ELMO2: variants seen among roughly 807,000 people sequenced by gnomAD.
ELMO2 encodes engulfment and cell motility protein 2.
In ELMO2, 37 loss-of-function variants were observed where a neutral mutation model predicts 96.2. The observed-to-expected ratio is 0.38, with a 90% CI of 0.30 to 0.51. The LOEUF (loss-of-function observed/expected upper bound fraction) is 0.51. Ranked by LOEUF, ELMO2 falls within the 20% of genes least tolerant of loss-of-function variation. The probability of loss-of-function intolerance (pLI) is 0.88; values close to 1 mark genes in which losing one functional copy is unlikely to be tolerated. For synonymous variants in ELMO2, 315 were observed against 329.4 expected (o/e 0.96, Z 0.47); for missense variants, 561 against 912.6 (o/e 0.61, Z 4.96).
intron 9 of ELMO2, among the ~76,000 whole-genome samples, chr20:46,385,796 A>G (rs1312863925): frequency 6.6e-6 from 1 of 152,236 alleles, no homozygotes; most frequent in East Asian, 1.9e-4. Context: ...AGTATTTTAT[A>G]TAATTATCAT....
Position 46,375,840 on chromosome 20 carries a change from T to A in ELMO2, c.808-50A>T. The A allele has an allele frequency of 6.2e-7, 1 of 1,609,670 alleles. No homozygotes were observed. The highest frequency in any genetic ancestry group is 8.5e-7 in the Non-Finnish European group (1 of 1,177,154). ...AGGGGACTGAACTGATCTCTTTTAA[T>A]GAAGGGCCACATCCATGCTAAGGAA... is the stretch of plus-strand genomic sequence containing the variant. On this transcript the variant is annotated intron_variant, in intron 11 of 21. Transcript: ENST00000290246. This position sits in a 1 kb window ranked among gnomAD's most constrained non-coding sequence, Gnocchi z 4.6.
chr20:46,385,318 A>G (rs1361442360), intron 9 of ELMO2, among the ~76,000 whole-genome samples: 2 of 152,234 alleles, frequency 1.3e-5, no homozygotes, highest in African/African-American at 4.8e-5. Context: ...CATTGCTCCA[A>G]TGGGTTCATT....
At chr20:46,372,664 G>A (rs1038694394) in intron 16 of ELMO2, among the ~76,000 whole-genome samples, 2 of 152,092 alleles carry the variant, frequency 1.3e-5, no homozygotes, top group Admixed American at 6.5e-5. Context: ...AAAGGCAAGC[G>A]CAGTTCTGGC....
chr20:46,380,039 G>A (rs567218850), intron 11 of ELMO2: 2 of 461,868 alleles, frequency 4.3e-6, no homozygotes, highest in East Asian at 3.5e-5. Context: ...CTCCCTGGAC[G>A]CACTGCAATT....
In ELMO2 at chr20:46,380,448, G is replaced by A. The variant is rs113998028; in HGVS notation, c.757-145C>T. The A allele has an allele frequency of 2.9e-3, 1,948 of 673,086 alleles. 26 individuals carry two copies. The African/African-American group carries it at 0.03, about 10-fold the overall frequency. 41.7% of individuals were successfully genotyped at this position (673,086 alleles called of 1,614,324 possible). A position where few individuals can be genotyped will look rare whatever the true frequency, so the allele number is the denominator to read the frequency against. Reference sequence around the variant, plus strand: ...CCAAATGAAAAGTGGGTGAATGAACGAAAATCCACTGACCATCAGATGTAT... The same window carrying A: ...CCAAATGAAAAGTGGGTGAATGAACAAAAATCCACTGACCATCAGATGTAT... On this transcript the variant is annotated intron_variant, in intron 10 of 21. Coordinates refer to ENST00000290246, the MANE Select transcript of ELMO2 (RefSeq NM_133171.5).
chr20:46,367,558 G>A lies in ELMO2; in HGVS notation c.1965C>T (p.Tyr655=), dbSNP rs767870860. 1.3e-6 allele frequency: 2 copies of A among 1,599,722 alleles called. No homozygotes were observed. Among genetic ancestry groups the A allele is most frequent in the Non-Finnish European group, 1.7e-6 (2 of 1,174,510 alleles). Residue 655 remains tyrosine (Y), a splice_region_variant and synonymous_variant, in exon 22 of 22, where the codon TAC becomes TAT. Coordinates refer to ENST00000290246, the MANE Select transcript of ELMO2 (RefSeq NM_133171.5). ...LNFIAPNKYE[Y]CIWIDGLSAL... ...CACTGAGGCCATCAATCCAGATGCA[G>A]TACTGTGGGGAGCAAGTTGCAAAAT...
chr20:46,372,033 G>A, intron 16 of ELMO2, 64 bp from the exon 17 acceptor site: 1 of 1,597,776 alleles, frequency 6.3e-7, no homozygotes, highest in Non-Finnish European at 8.5e-7. Context: ...GGCCTATTAT[G>A]GAGCACCAAG....
chr20:46,401,178 C>T (rs990184590), intron 1 of ELMO2, among the ~76,000 whole-genome samples: 3 of 152,204 alleles, frequency 2.0e-5, no homozygotes, highest in Non-Finnish European at 4.4e-5. Flanking sequence ...AACACAATCT[C>T]TATAAAGGCT....
intron 10 of ELMO2, among the ~76,000 whole-genome samples, chr20:46,380,726 A>T (rs974890255): frequency 2.0e-5 from 3 of 152,158 alleles, no homozygotes; most frequent in Admixed American, 2.0e-4. Context: ...ACTCCAAACA[A>T]GGAAGGGCTT....
At chr20:46,369,997 TG>T (rs1206408319) in intron 20 of ELMO2, 1 of 341,592 alleles carries the variant, frequency 2.9e-6, no homozygotes, top group African/African-American at 2.2e-5. Context: ...TGTGTGTGTG[TG>T]TGTGTGTATC....
chr20:46,392,892 C>T (rs1301831451), intron 6 of ELMO2, among the ~76,000 whole-genome samples: 2 of 152,216 alleles, frequency 1.3e-5, no homozygotes, highest in South Asian at 2.1e-4. Flanking sequence ...ACCCTTGAGA[C>T]AGGCCTTCTA....
intron 16 of ELMO2, 88 bp from the exon 17 acceptor site, chr20:46,372,057 C>G (rs1600823212): frequency 6.4e-7 from 1 of 1,560,460 alleles, no homozygotes; most frequent in South Asian, 1.2e-5. Context: ...CTTTCCTGCC[C>G]CAGGGTCTTG....
At chr20:46,368,235 T>TCCCACCTC (rs939629415) in intron 21 of ELMO2, among the ~76,000 whole-genome samples, 50 of 152,080 alleles carry the variant, frequency 3.3e-4, no homozygotes, top group Non-Finnish European at 6.3e-4. Flanking sequence ...CTGCCAGAAG[T>TCCCACCTC]CCCACCTCTA....
At chr20:46,380,342 G>C (rs773689689) in intron 10 of ELMO2, 39 bp from the exon 11 acceptor site, 1 of 1,553,708 alleles carries the variant, frequency 6.4e-7, no homozygotes, top group South Asian at 1.1e-5. Flanking sequence ...CAGGGTGGCA[G>C]GCACACACCT....
chr20:46,376,567 G>C, intron 11 of ELMO2: 2 of 1,237,498 alleles, frequency 1.6e-6, no homozygotes, highest in South Asian at 2.6e-5. Flanking sequence ...TCTCTTGCAT[G>C]CTATGTCTCC....
chr20:46,394,379 C>T (rs1430412365), intron 3 of ELMO2, 26 bp downstream of exon 3: 3 of 1,613,310 alleles, frequency 1.9e-6, no homozygotes, highest in Non-Finnish European at 2.5e-6. Flanking sequence ...TTCCTTGAAC[C>T]ACTGCTTCTC....
intron 11 of ELMO2, chr20:46,379,924 C>A: frequency 4.5e-6 from 1 of 220,470 alleles, no homozygotes; most frequent in South Asian, 8.1e-5. Flanking sequence ...TAATCAGTGT[C>A]AGTTGGATGA....
At chr20:46,403,062 G>C (rs2060361807) in intron 1 of ELMO2, among the ~76,000 whole-genome samples, 1 of 152,204 alleles carries the variant, frequency 6.6e-6, no homozygotes. Flanking sequence ...CATCAAGTGG[G>C]ATAATAAAGC....
intron 7 of ELMO2, among the ~76,000 whole-genome samples, 156 bp downstream of exon 7, chr20:46,388,883 A>G (rs2060097404): frequency 6.6e-6 from 1 of 152,212 alleles, no homozygotes; most frequent in African/African-American, 2.4e-5. Flanking sequence ...ATGGAATTAT[A>G]TATCTTGGTA....
Sources: allele counts gnomAD v4.1 joint callset (sites outside exome capture counted in the v4.1 genomes callset), GRCh38; gene constraint gnomAD v4.1.1; non-coding constraint Gnocchi (gnomAD v3.1); transcripts MANE v1.5; gene names NCBI Gene and HGNC (gene_info 2026-07-23, HGNC 2026-07-21).